RECQL4: variants seen among roughly 807,000 people sequenced by gnomAD.
RECQL4 encodes RecQ like helicase 4, also known as ATP-dependent DNA helicase Q4.
Under a neutral mutation model 128.6 loss-of-function variants are expected in RECQL4, and 158 were observed. That is an observed-to-expected ratio of 1.23 (90% CI 1.08 to 1.40). The LOEUF (loss-of-function observed/expected upper bound fraction) is 1.40, where lower values mean the gene tolerates loss of function less well. Among genes scored for constraint, RECQL4 ranks in the 40% most tolerant of loss-of-function variants. RECQL4 has a pLI of 0.00. For synonymous variants in RECQL4, 996 were observed against 678.9 expected, an observed-to-expected ratio of 1.47 and a Z score of -7.26; for missense variants, 2,293 against 1,649.8, an observed-to-expected ratio of 1.39 and a Z score of -6.75.
chr8:144,513,211 T>TGC lies in RECQL4; in HGVS notation c.2463+5_2463+6dup. On this transcript the variant is annotated splice_region_variant and intron_variant, in intron 14 of 20. Coordinates refer to ENST00000617875, the MANE Select transcript of RECQL4 (RefSeq NM_004260.4). ...GCACTGGCAGTGTGGGGGGGGGGGG[T>TGC]GCCAACCTGGGGCTGCAGGAAGAGG... The TGC allele has an allele frequency of 1.0e-6, 1 of 985,314 alleles. No individual in the cohort carries two copies. The allele number at this position is 985,314 out of a possible 1,614,324, so 61.0% of individuals were successfully genotyped here. A position where few individuals can be genotyped will look rare whatever the true frequency, so the allele number is the denominator to read the frequency against.
chr8:144,517,378 A>T (rs1217473975), intron 3 of RECQL4, 36 bp downstream of exon 3: 2 of 1,531,550 alleles, frequency 1.3e-6, no homozygotes, highest in African/African-American at 1.4e-5. Flanking sequence ...CCAAACAGGG[A>T]AGTGGGAGGA....
rs35995510 is a variant in RECQL4, at chr8:144,511,827, C to G, written c.3394-38G>C. 1.9e-6 allele frequency: 3 copies of G among 1,610,810 alleles called. No homozygotes were observed. In the Admixed American group the frequency reaches 5.0e-5, roughly 27 times the overall value. On this transcript the variant is annotated intron_variant, in intron 19 of 20. Coordinates refer to ENST00000617875, the MANE Select transcript of RECQL4 (RefSeq NM_004260.4). ...GCACATCAGGCTTCCTCTGAGCTCC[C>G]GTGGCACTGCATCCACAGAGCAAGC...
At position 144,516,633 on chromosome 8, in the gene RECQL4, G is replaced by A. The variant is rs955555365; in HGVS notation, c.486C>T (p.Leu162=). ...GGCCTGGCCTTGGCTGGGGCTCAGGGAGCTGTGGAGGCTCATCACTGACTT... is the reference window on the plus strand; with the variant it reads ...GGCCTGGCCTTGGCTGGGGCTCAGGAAGCTGTGGAGGCTCATCACTGACTT... ...AEKVSDEPPQ[L]PEPQPRPGRL... is the part of the protein sequence containing the mutation. Residue 162 remains leucine (L), a synonymous_variant, in exon 5 of 21, where the codon CTC becomes CTT. Coordinates refer to ENST00000617875, the MANE Select transcript of RECQL4 (RefSeq NM_004260.4). 9.3e-6 allele frequency: 15 copies of A among 1,609,928 alleles called. No individual in the cohort carries two copies. The highest frequency in any genetic ancestry group is 1.3e-5 in the Non-Finnish European group (15 of 1,178,430).
Position 144,515,660 on chromosome 8 carries a change from G to A in RECQL4, c.1258+104C>T, listed in dbSNP as rs34607025. The A allele has an allele frequency of 0.012, 18,173 of 1,489,764 alleles. 112 individuals carry two copies. The highest frequency in any genetic ancestry group is 0.018 in the Middle Eastern group (97 of 5,422). 92.3% of individuals were successfully genotyped at this position (1,489,764 alleles called of 1,614,324 possible). On this transcript the variant is annotated intron_variant, in intron 6 of 20. Transcript: ENST00000617875. ...GAGCTAGGGTAGGGCCTGGACCAGGGGTACCTGGAAGGCCTGTTGCTTGGA... is the reference window on the plus strand; with the variant it reads ...GAGCTAGGGTAGGGCCTGGACCAGGAGTACCTGGAAGGCCTGTTGCTTGGA...
At chr8:144,515,932 CGGGAGGGCTGAG>C (rs757871797) in intron 5 of RECQL4, 42 bp from the exon 6 acceptor site, 1 of 1,612,200 alleles carries the variant, frequency 6.2e-7, no homozygotes, top group East Asian at 2.2e-5. Flanking sequence ...GCGGGAAATA[CGGGAGGGCTGAG>C]GGGAGGGAAA....
chr8:144,512,618 T>TC (rs1564791279), intron 16 of RECQL4, 24 bp downstream of exon 16: 2 of 1,611,758 alleles, frequency 1.2e-6, no homozygotes, highest in Non-Finnish European at 1.7e-6. Context: ...CAACCTCGTC[T>TC]CCAACTGGGC....
rs750451940 is a variant in RECQL4, at chr8:144,516,387, T to G, written c.732A>C (p.Glu244Asp). 3.0e-5 allele frequency: 49 copies of G among 1,609,822 alleles called. No individual in the cohort carries two copies. Among genetic ancestry groups the G allele is most frequent in the Admixed American group, 6.7e-5 (4 of 59,938 alleles). Residue 244 changes from glutamate (E) to aspartate (D), a missense_variant, in exon 5 of 21, where the codon GAA (glutamate) becomes GAC (aspartate). Glu to Asp is a conservative substitution (Grantham distance 45). Transcript: ENST00000617875. The stretch of plus-strand genomic sequence containing the variant: ...GGGGGCTCCCCACACGGATGCTGAC[T>G]TCTTGGAAGGCTGAAGCCTCTGGGC... ...SQGPEASAFQ[E>D]VSIRVGSPQP...
rs548804317 is a variant in RECQL4 at position 144,513,027 on chromosome 8, T to TGGTGCA, written c.2569_2574dup (p.Cys857_Thr858dup). The TGGTGCA allele has an allele frequency of 2.6e-3, 4,171 of 1,574,466 alleles. 8 individuals are homozygous for TGGTGCA. The highest frequency in any genetic ancestry group is 6.3e-3 in the African/African-American group (465 of 74,132). ...GCCCCTTCCTGCTCCGAGGGCGGCC[T>TGGTGCA]GGTGCAGGTGCAGGTGCAGGCTGGG... On this transcript the variant is annotated inframe_insertion, in exon 15 of 21. Coordinates refer to ENST00000617875, the MANE Select transcript of RECQL4 (RefSeq NM_004260.4).
chr8:144,517,329 C>A (rs1815305798), intron 3 of RECQL4, 85 bp downstream of exon 3: 2 of 1,480,680 alleles, frequency 1.4e-6, no homozygotes, highest in Non-Finnish European at 1.8e-6. Flanking sequence ...CTGTGCCCCA[C>A]GGCGGCCTGG....
rs1379758021 is a variant in RECQL4 at position 144,516,092 on chromosome 8, G to A, written c.1027C>T (p.Pro343Ser). The A allele has an allele frequency of 1.9e-6, 3 of 1,612,654 alleles. No individual in the cohort carries two copies. Among genetic ancestry groups the A allele is most frequent in the Non-Finnish European group, 1.7e-6 (2 of 1,179,884 alleles). ...AEGTAPLHIFPRLARHDRGNY... is the reference protein window; with the variant it reads ...AEGTAPLHIFSRLARHDRGNY... ...CCCCTGTCATGGCGGGCCAGCCGAG[G>A]GAAGATGTGCAGGGGGGCTGTGCCC... is the stretch of plus-strand genomic sequence containing the variant. Residue 343 changes from proline (P) to serine (S), a missense_variant, in exon 5 of 21, where the codon CCT (proline) becomes TCT (serine). Coordinates refer to ENST00000617875, the MANE Select transcript of RECQL4 (RefSeq NM_004260.4).
At chr8:144,517,366 C>G (rs774579139) in intron 3 of RECQL4, 48 bp downstream of exon 3, 1 of 1,517,600 alleles carries the variant, frequency 6.6e-7, no homozygotes, top group Non-Finnish European at 8.8e-7. Flanking sequence ...CCCGCCACTC[C>G]GCCAAACAGG....
In RECQL4 at chr8:144,516,010, C is replaced by A; in HGVS notation, c.1109G>T (p.Arg370Leu). 1.2e-6 allele frequency: 2 copies of A among 1,609,894 alleles called. No individual in the cohort carries two copies. Among genetic ancestry groups the A allele is most frequent in the South Asian group, 2.2e-5 (2 of 91,022 alleles). The change falls in exon 5 of 21, where the codon CGT (arginine) becomes CTT (leucine). Residue 370 changes from arginine (R) to leucine (L), a missense_variant. Physicochemically the swap from Arg to Leu is moderately radical, Grantham distance 102. Transcript: ENST00000617875. ...QKHYVRGRAL[R>L]SRLLRKQAWK... ...TACCTGCTTGCGGAGGAGCCTGCTA[C>A]GGAGTGCCCGGCCCCGCACGTAGTG...
At position 144,514,213 on chromosome 8, in the gene RECQL4, C is replaced by T; in HGVS notation, c.1854G>A (p.Arg618=). Reference sequence around the variant, plus strand: ...CCTTGCAGACGCGCAGGTAGCAGGGCCGGAAGTTGTGGGACCACTGGGAGA... The same window carrying T: ...CCTTGCAGACGCGCAGGTAGCAGGGTCGGAAGTTGTGGGACCACTGGGAGA... The part of the protein sequence containing the change: ...HCLSQWSHNF[R]PCYLRVCKVL... The change falls in exon 11 of 21, where the codon CGG becomes CGA. Residue 618 remains arginine (R), a synonymous_variant. Transcript: ENST00000617875. The T allele has an allele frequency of 2.5e-6, 4 of 1,612,286 alleles. No homozygotes were observed. The highest frequency in any genetic ancestry group is 3.4e-6 in the Non-Finnish European group (4 of 1,179,720).
Position 144,514,288 on chromosome 8 carries a change from G to T in RECQL4, c.1779C>A (p.Ala593=), listed in dbSNP as rs369939552. The change falls in exon 11 of 21, where the codon GCC becomes GCA. Residue 593 remains alanine, a synonymous_variant. Coordinates refer to ENST00000617875, the MANE Select transcript of RECQL4 (RefSeq NM_004260.4). ...ALVGAGGLPP[A]AQLPPVAFAC... The stretch of plus-strand genomic sequence containing the variant: ...CAAAAGCAACTGGAGGCAGCTGTGC[G>T]GCTGGAGGGAGGCCTCCCGCCCCCA... 96 of 1,611,288 alleles carry T rather than the reference G, an allele frequency of 6.0e-5. No homozygotes were observed. In the East Asian group the frequency reaches 2.1e-3, roughly 36 times the overall value.
intron 4 of RECQL4, 83 bp downstream of exon 4, chr8:144,516,967 G>A (rs1815188536): frequency 2.2e-5 from 33 of 1,534,074 alleles, no homozygotes; most frequent in Non-Finnish European, 2.8e-5. Flanking sequence ...GTGCCTGTCT[G>A]TGTGGAAAAA....
At position 144,517,763 on chromosome 8, in the gene RECQL4, G is replaced by C. The variant is rs1554905170; in HGVS notation, c.22C>G (p.Arg8Gly). The stretch of plus-strand genomic sequence containing the variant: ...CGCTCCCACGCCTGCAGCCGCTCCC[G>C]CACGTCCCGCAGCCGCTCCATGGCG... MERLRDV[R>G]ERLQAWERAF... The change falls in exon 1 of 21, where the codon CGG (arginine) becomes GGG (glycine). Residue 8 changes from arginine to glycine, a missense_variant. Arg to Gly is a moderately radical substitution (Grantham distance 125). Transcript: ENST00000617875. 3 of 1,302,606 alleles carry C rather than the reference G, an allele frequency of 2.3e-6. No homozygotes were observed. The highest frequency in any genetic ancestry group is 2.0e-6 in the Non-Finnish European group (2 of 1,022,576). The allele number at this position is 1,302,606 out of a possible 1,614,324, so 80.7% of individuals were successfully genotyped here.
In RECQL4 at chr8:144,513,397, G is replaced by A. The variant is rs779206085; in HGVS notation, c.2284C>T (p.Gln762Ter). Reference protein sequence around the residue: ...ERRRVQRAFMQGQLRVVVATV... With the variant: ...ERRRVQRAFM ...GCCACCACCACCCGCAACTGGCCCT[G>A]CATGAAGGCTCGCTGTACCCGCCGC... The change falls in exon 14 of 21, where the codon CAG becomes TAG. Residue 762 changes from glutamine to a stop codon, truncating the protein, a stop_gained. Coordinates refer to ENST00000617875, the MANE Select transcript of RECQL4 (RefSeq NM_004260.4). LOFTEE classifies it high-confidence loss of function. 1 of 1,608,546 alleles carries A rather than the reference G, an allele frequency of 6.2e-7. No homozygotes were observed. The highest frequency in any genetic ancestry group is 8.5e-7 in the Non-Finnish European group (1 of 1,179,714).
rs772166765 is a variant in RECQL4 at position 144,514,298 on chromosome 8, A to T, written c.1769T>A (p.Leu590His). The change falls in exon 11 of 21, where the codon CTC (leucine) becomes CAC (histidine). Residue 590 changes from leucine to histidine, a missense_variant. Transcript: ENST00000617875. ...TGGAGGCAGCTGTGCGGCTGGAGGG[A>T]GGCCTCCCGCCCCCACCAGTGCCTC... ...TPEALVGAGG[L>H]PPAAQLPPVA... The T allele has an allele frequency of 6.2e-7, 1 of 1,610,784 alleles. No individual in the cohort carries two copies. Among genetic ancestry groups the T allele is most frequent in the Non-Finnish European group, 8.5e-7 (1 of 1,179,266 alleles).
chr8:144,514,842 A>AGG, intron 9 of RECQL4, 94 bp downstream of exon 9: 1 of 1,452,682 alleles, frequency 6.9e-7, no homozygotes, highest in Admixed American at 1.9e-5. Flanking sequence ...CTCCCAGGGG[A>AGG]GGGGGTGGTT....
Sources: gnomAD v4.1 joint callset for allele counts on GRCh38, gnomAD v4.1.1 for gene constraint, MANE v1.5 for transcripts, NCBI Gene and HGNC (gene_info 2026-07-23, HGNC 2026-07-21) for gene names.